Variants in INTS6L observed in about 807,000 individuals in gnomAD.
The protein encoded by INTS6L is integrator complex subunit 6-like.
A neutral mutation model predicts 64.7 loss-of-function variants in INTS6L; 18 were observed. That is an observed-to-expected ratio of 0.28 (90% CI 0.19 to 0.41). The LOEUF (loss-of-function observed/expected upper bound fraction) is 0.41, where lower values mean the gene tolerates loss of function less well. Ranked by LOEUF, INTS6L falls within the 10% of genes least tolerant of loss-of-function variation. The probability of loss-of-function intolerance (pLI) is 1.00; values close to 1 mark genes in which losing one functional copy is unlikely to be tolerated. For missense variants in INTS6L, 533 were observed against 661.0 expected (o/e 0.81, Z 2.12); for synonymous variants, 227 against 235.9 (o/e 0.96, Z 0.34).
At chrX:135,549,984 C>T (rs1326411142) in intron 7 of INTS6L, among the ~76,000 whole-genome samples, 179 bp downstream of exon 7, 8 of 112,690 alleles carry the variant, frequency 7.1e-5, no homozygotes, top group African/African-American at 1.6e-4. Context: ...CAAAGGAGGA[C>T]TTCCTTTATT....
chrX:135,528,180 G>A lies in INTS6L; in HGVS notation c.189+6862G>A, dbSNP rs149519607. ...AGAGTGTAAATGAGAGACCCAGGCA[G>A]TCCCTTTGTAACTGTGTATTGGGAG... On this transcript the variant is annotated intron_variant, in intron 2 of 17. Coordinates refer to ENST00000639893, the MANE Select transcript of INTS6L (RefSeq NM_001351601.3). Among the ~76,000 whole-genome samples the A allele has an allele frequency of 1.5e-4, 17 of 111,322 alleles. No individual in the cohort carries two copies. In the East Asian group the frequency reaches 4.8e-3, roughly 31 times the overall value.
intron 2 of INTS6L, among the ~76,000 whole-genome samples, chrX:135,528,383 T>C (rs1163621234): frequency 8.9e-6 from 1 of 111,928 alleles, no homozygotes; most frequent in Non-Finnish European, 1.9e-5. Flanking sequence ...AAACATATTC[T>C]TTCTCTCTTC....
At chrX:135,558,222 A>G (rs1316999470) in intron 9 of INTS6L, among the ~76,000 whole-genome samples, 1 of 112,184 alleles carries the variant, frequency 8.9e-6, no homozygotes, top group East Asian at 2.8e-4. Flanking sequence ...TGGTGTAACC[A>G]GTATGGAAAA....
chrX:135,540,854 G>A (rs1200589705), intron 2 of INTS6L, among the ~76,000 whole-genome samples: 2 of 109,450 alleles, frequency 1.8e-5, no homozygotes. Context: ...GGCACACTGC[G>A]GCCTCCACCT....
At chrX:135,556,953 A>G (rs2086661590) in intron 9 of INTS6L, among the ~76,000 whole-genome samples, 1 of 111,878 alleles carries the variant, frequency 8.9e-6, no homozygotes, top group Admixed American at 9.5e-5. Flanking sequence ...AATTTTTGCA[A>G]AAAGGGTCGA....
At chrX:135,550,384 G>A (rs957985125) in intron 7 of INTS6L, among the ~76,000 whole-genome samples, 1 of 110,050 alleles carries the variant, frequency 9.1e-6, no homozygotes, top group Non-Finnish European at 1.9e-5. Context: ...GCATTTGGTA[G>A]GAGAGGCTTT....
intron 14 of INTS6L, among the ~76,000 whole-genome samples, chrX:135,576,090 G>T (rs1427289728): frequency 9.0e-6 from 1 of 111,325 alleles, no homozygotes; most frequent in Non-Finnish European, 1.9e-5. Flanking sequence ...ACACTGGGAG[G>T]CCGAGGCAGG....
chrX:135,579,767 A>G (rs1443468640), intron 15 of INTS6L, 21 bp from the exon 16 acceptor site: 9 of 1,164,799 alleles, frequency 7.7e-6, no homozygotes, highest in African/African-American at 5.4e-5. Context: ...TCACAGCTCA[A>G]CCTCTTCATT....
intron 17 of INTS6L, among the ~76,000 whole-genome samples, 188 bp downstream of exon 17, chrX:135,581,331 A>G (rs1232136530): frequency 1.2e-4 from 13 of 112,041 alleles, no homozygotes; most frequent in Admixed American, 8.5e-4. Flanking sequence ...TCATCCTTCT[A>G]CTTTTATCAT....
At chrX:135,556,064 C>T in intron 8 of INTS6L, 104 bp from the exon 9 acceptor site, 1 of 843,085 alleles carries the variant, frequency 1.2e-6, no homozygotes, top group Non-Finnish European at 1.6e-6. Context: ...TTTAAAATTA[C>T]AATCAAATTG....
At chrX:135,533,855 GT>G (rs1212115296) in intron 2 of INTS6L, among the ~76,000 whole-genome samples, 4 of 111,622 alleles carry the variant, frequency 3.6e-5, no homozygotes, top group African/African-American at 3.3e-5. Context: ...CACAATAGCA[GT>G]TTTTTTTCCT....
chrX:135,547,684 A>T (rs1269871224), intron 6 of INTS6L, among the ~76,000 whole-genome samples: 1 of 111,988 alleles, frequency 8.9e-6, no homozygotes, highest in Non-Finnish European at 1.9e-5. Flanking sequence ...GCAAGAAATT[A>T]TGAATGTTTA....
At chrX:135,581,254 G>A (rs1268560076) in intron 17 of INTS6L, 111 bp downstream of exon 17, 1 of 562,562 alleles carries the variant, frequency 1.8e-6, no homozygotes, top group Non-Finnish European at 2.7e-6. Context: ...CTCAAACCCT[G>A]GCCCTCACTC....
chrX:135,533,357 C>T (rs1393064838), intron 2 of INTS6L, among the ~76,000 whole-genome samples: 4 of 112,000 alleles, frequency 3.6e-5, no homozygotes, highest in South Asian at 3.7e-4. Flanking sequence ...ACTTTTACCA[C>T]GTAAAAAGTA....
intron 13 of INTS6L, among the ~76,000 whole-genome samples, 167 bp from the exon 14 acceptor site, chrX:135,574,917 A>T (rs1161007077): frequency 1.8e-5 from 2 of 112,295 alleles, no homozygotes; most frequent in Non-Finnish European, 3.8e-5. Flanking sequence ...CTAAGTTATG[A>T]TTGGGATGAA....
intron 9 of INTS6L, among the ~76,000 whole-genome samples, chrX:135,562,816 G>A (rs781812350): frequency 8.9e-6 from 1 of 111,766 alleles, no homozygotes; most frequent in African/African-American, 3.2e-5. Flanking sequence ...TTTGATGTTT[G>A]CATGATATAT....
chrX:135,581,152 A>G lies in INTS6L; in HGVS notation c.2588+9A>G, dbSNP rs1327614686. The G allele has an allele frequency of 8.6e-7, 1 of 1,156,226 alleles. No homozygotes were observed. The highest frequency in any genetic ancestry group is 1.8e-5 in the African/African-American group (1 of 55,253). ...ATCAAGGAAGCCGCAAGGTAGGTAT[A>G]AACAGGAACTCTTCAATTTTTTGTT... On this transcript the variant is annotated intron_variant, in intron 17 of 17. Transcript: ENST00000639893.
chrX:135,545,717 T>A (rs962200449), intron 3 of INTS6L, 145 bp downstream of exon 3: 7 of 575,773 alleles, frequency 1.2e-5, no homozygotes, highest in Non-Finnish European at 1.8e-5. Flanking sequence ...ATATACTTTT[T>A]AAAAATCCCT....
chrX:135,563,602 C>A (rs373144944), intron 9 of INTS6L, among the ~76,000 whole-genome samples: 1 of 80,065 alleles, frequency 1.2e-5, no homozygotes, highest in Non-Finnish European at 2.3e-5. Flanking sequence ...TATGTATATA[C>A]ATATGTATAT....
Sources: allele counts gnomAD v4.1 joint callset (sites outside exome capture counted in the v4.1 genomes callset), GRCh38; gene constraint gnomAD v4.1.1; transcripts MANE v1.5; gene names NCBI Gene and HGNC (gene_info 2026-07-23, HGNC 2026-07-21).